The following NFATC1 variants were observed in gnomAD, a reference collection of about 807,000 sequenced individuals.
NFATC1 encodes nuclear factor of activated T cells 1.
In NFATC1, 22 loss-of-function variants were observed where a neutral mutation model predicts 76.0. The ratio of observed to expected loss-of-function variants is 0.29; its 90% CI spans 0.21 to 0.41. The LOEUF (loss-of-function observed/expected upper bound fraction) is 0.41, where lower values mean the gene tolerates loss of function less well. Among genes scored for constraint, NFATC1 ranks in the 10% least tolerant of loss-of-function variants. NFATC1 has a pLI of 1.00. For synonymous variants in NFATC1, 704 were observed against 613.1 expected (o/e 1.15, Z -2.19); for missense variants, 1,357 against 1,337.7 (o/e 1.01, Z -0.23).
chr18:79,412,692 C>A (rs186684070), intron 2 of NFATC1, among the ~76,000 whole-genome samples: 1 of 152,320 alleles, frequency 6.6e-6, no homozygotes, highest in Non-Finnish European at 1.5e-5. Context: ...AACGAACCCA[C>A]CCAAACCTCT....
intron 2 of NFATC1, among the ~76,000 whole-genome samples, chr18:79,427,121 C>T (rs1732200739): frequency 6.6e-6 from 1 of 152,126 alleles, no homozygotes; most frequent in Non-Finnish European, 1.5e-5. Context: ...TGCGTCTTGG[C>T]AGGGGGGCCC....
chr18:79,520,012 C>T (rs1355083347), intron 9 of NFATC1, among the ~76,000 whole-genome samples: 1 of 152,192 alleles, frequency 6.6e-6, no homozygotes, highest in African/African-American at 2.4e-5. Context: ...AACCGGCTGC[C>T]CCCAGGAAGC....
At chr18:79,396,994 C>T (rs1410631121) in intron 1 of NFATC1, among the ~76,000 whole-genome samples, 1 of 152,196 alleles carries the variant, frequency 6.6e-6, no homozygotes, top group African/African-American at 2.4e-5. Context: ...ATGTTTCAGG[C>T]AAGTTTGAAA....
intron 3 of NFATC1, chr18:79,448,449 G>A (rs1048962614): frequency 8.3e-6 from 3 of 359,916 alleles, no homozygotes; most frequent in African/African-American, 6.2e-5. Context: ...GGTGAAGCGA[G>A]CCTTGCACAT....
chr18:79,488,073 G>A (rs546831758), intron 9 of NFATC1, among the ~76,000 whole-genome samples: 4 of 146,552 alleles, frequency 2.7e-5, no homozygotes, highest in Non-Finnish European at 4.4e-5. Flanking sequence ...AGCCCCTCCT[G>A]ACCCAGGGGG....
chr18:79,474,777 C>G (rs930117112), intron 8 of NFATC1, among the ~76,000 whole-genome samples: 1 of 148,346 alleles, frequency 6.7e-6, no homozygotes, highest in African/African-American at 2.5e-5. Context: ...TCACTGTCGA[C>G]GTTGCGAGGG....
chr18:79,497,731 G>GT (rs1381957630), intron 9 of NFATC1: 1 of 151,744 alleles, frequency 6.6e-6, no homozygotes, highest in Non-Finnish European at 1.5e-5. Flanking sequence ...CCAAGCAGAA[G>GT]TGAGAGGTAA....
At chr18:79,491,641 C>T (rs557657055) in intron 9 of NFATC1, among the ~76,000 whole-genome samples, 1 of 152,336 alleles carries the variant, frequency 6.6e-6, no homozygotes, top group Admixed American at 6.5e-5. Flanking sequence ...GGTCCACTTT[C>T]CAGCCTCCCC....
intron 9 of NFATC1, among the ~76,000 whole-genome samples, chr18:79,504,356 T>C (rs568191170): frequency 2.6e-4 from 39 of 152,328 alleles, no homozygotes; most frequent in African/African-American, 9.1e-4. Context: ...ATTGGCCTAA[T>C]GTCAGTATGG....
At chr18:79,472,676 G>A (rs2088834129) in intron 8 of NFATC1, among the ~76,000 whole-genome samples, 1 of 152,060 alleles carries the variant, frequency 6.6e-6, no homozygotes, top group Non-Finnish European at 1.5e-5. Context: ...GACACCCTGG[G>A]GCTGGGCCTG....
chr18:79,400,390 C>T, intron 1 of NFATC1: 1 of 1,340,056 alleles, frequency 7.5e-7, no homozygotes, highest in Non-Finnish European at 1.0e-6. Flanking sequence ...GCCCGACCCG[C>T]CATGACGGGG....
chr18:79,451,519 C>G (rs962190858), intron 5 of NFATC1, among the ~76,000 whole-genome samples, 157 bp from the exon 6 acceptor site: 1 of 152,228 alleles, frequency 6.6e-6, no homozygotes, highest in Non-Finnish European at 1.5e-5. Flanking sequence ...CACGGCTTCT[C>G]CCCTAGAAGT....
chr18:79,446,118 C>G (rs186854180), intron 3 of NFATC1, among the ~76,000 whole-genome samples: 1 of 152,292 alleles, frequency 6.6e-6, no homozygotes, highest in African/African-American at 2.4e-5. Context: ...TGTACTGTGC[C>G]AGAGGCAGAA....
intron 3 of NFATC1, among the ~76,000 whole-genome samples, chr18:79,447,896 CTG>C (rs765462108): frequency 8.0e-4 from 122 of 152,378 alleles, no homozygotes; most frequent in Middle Eastern, 6.8e-3. Flanking sequence ...GCACCACACT[CTG>C]TGTTTACCTC....
chr18:79,459,845 T>G (rs1183690604), intron 6 of NFATC1, among the ~76,000 whole-genome samples: 4 of 152,118 alleles, frequency 2.6e-5, no homozygotes, highest in Non-Finnish European at 5.9e-5. Flanking sequence ...TGGAGGGGCT[T>G]CTGAGTGGTG....
chr18:79,444,919 G>A (rs2087143498), intron 3 of NFATC1, among the ~76,000 whole-genome samples: 1 of 152,230 alleles, frequency 6.6e-6, no homozygotes, highest in African/African-American at 2.4e-5. Flanking sequence ...GGCTTCACCT[G>A]GAATGTCACC....
intron 7 of NFATC1, among the ~76,000 whole-genome samples, chr18:79,463,526 G>A (rs2088255751): frequency 7.6e-6 from 1 of 131,976 alleles, no homozygotes; most frequent in Non-Finnish European, 1.6e-5. Context: ...GCCATTTCCT[G>A]TGCCCATAAG....
At chr18:79,511,490 A>AG (rs1228659835) in intron 9 of NFATC1, among the ~76,000 whole-genome samples, 2 of 152,156 alleles carry the variant, frequency 1.3e-5, no homozygotes, top group African/African-American at 4.8e-5. Context: ...AAGCCAGGGG[A>AG]GGGCGGCACA....
intron 2 of NFATC1, among the ~76,000 whole-genome samples, chr18:79,419,492 G>A (rs1303783718): frequency 6.9e-6 from 1 of 145,528 alleles, no homozygotes; most frequent in Non-Finnish European, 1.5e-5. Context: ...CCCCTAGGAG[G>A]GCCGGCACCT....
Sources: allele counts gnomAD v4.1 joint callset (sites outside exome capture counted in the v4.1 genomes callset), GRCh38; gene constraint gnomAD v4.1.1; transcripts MANE v1.5; gene names NCBI Gene and HGNC (gene_info 2026-07-23, HGNC 2026-07-21).